IGSF3: variants seen among roughly 807,000 people sequenced by gnomAD.
IGSF3 encodes immunoglobulin superfamily member 3, also known as glu-Trp-Ile EWI motif-containing protein 3.
In IGSF3, 23 loss-of-function variants were observed where a neutral mutation model predicts 114.4. That is an observed-to-expected ratio of 0.20 (90% CI 0.14 to 0.28). The LOEUF is 0.28. Ranked by LOEUF, IGSF3 falls within the 10% of genes least tolerant of loss-of-function variation. The pLI, the probability that IGSF3 is intolerant of heterozygous loss-of-function variation, is 1.00. For missense variants in IGSF3, 1,172 were observed against 1,591.5 expected (o/e 0.74, Z 4.48); for synonymous variants, 571 against 645.2 (o/e 0.88, Z 1.74).
Position 116,579,442 on chromosome 1 carries a change from C to A in IGSF3, c.3284G>T (p.Arg1095Leu), listed in dbSNP as rs144889330. 1.2e-6 allele frequency: 2 copies of A among 1,608,696 alleles called. No homozygotes were observed. Among genetic ancestry groups the A allele is most frequent in the South Asian group, 1.1e-5 (1 of 90,452 alleles). ...GGGGGCTGACTCCTCCTCCGTCAGC[C>A]GGTACCATTCCTTCTGAGGGCTGGG... is the stretch of plus-strand genomic sequence containing the variant. ...WLPSPQKEWY[R>L]LTEEESAPIG... Residue 1095 changes from arginine (R) to leucine (L), a missense_variant, in exon 10 of 11, where the codon CGG (arginine) becomes CTG (leucine). Arg to Leu is a moderately radical substitution (Grantham distance 102, BLOSUM62 -2). This residue lies in a region of IGSF3 where 423 missense variants were observed against 509.8 expected (regional missense o/e 0.83). Coordinates refer to ENST00000369486, the MANE Select transcript of IGSF3 (RefSeq NM_001007237.3). This position sits in a 1 kb window ranked among gnomAD's most constrained non-coding sequence, Gnocchi z 6.4.
rs1571125826 is a variant in IGSF3, at chr1:116,589,544, A to G, written c.2030-440T>C. Reference sequence around the variant, plus strand: ...CATCTCTCACGACTCACCCTCAGGCACCCTCCACAGGCGCATGCCCCTGGT... The same window carrying G: ...CATCTCTCACGACTCACCCTCAGGCGCCCTCCACAGGCGCATGCCCCTGGT... On this transcript the variant is annotated intron_variant, in intron 7 of 10. Transcript: ENST00000369486. The surrounding 1 kb of genome is among the most constrained non-coding windows in gnomAD (Gnocchi z 5.7). Among the ~76,000 whole-genome samples the G allele has an allele frequency of 1.3e-5, 2 of 151,664 alleles. No homozygotes were observed. Among genetic ancestry groups the G allele is most frequent in the Admixed American group, 1.3e-4 (2 of 15,246 alleles).
chr1:116,617,219 C>T, intron 2 of IGSF3: 1 of 888,518 alleles, frequency 1.1e-6, no homozygotes, highest in African/African-American at 1.8e-5. Flanking sequence ...CTCAAGACTC[C>T]CCCGCTGACC....
In IGSF3 at chr1:116,605,342, C is replaced by T. The variant is rs886339690; in HGVS notation, c.1223-1317G>A. ...GCAGAAACAAAGACGAGCACTGAGC[C>T]TCCACATGTAGCTCTTATTATAGTG... is the stretch of plus-strand genomic sequence containing the variant. On this transcript the variant is annotated intron_variant, in intron 5 of 10. Coordinates refer to ENST00000369486, the MANE Select transcript of IGSF3 (RefSeq NM_001007237.3). The surrounding 1 kb of genome is among the most constrained non-coding windows in gnomAD (Gnocchi z 5.1). Among the ~76,000 whole-genome samples, 1 of 151,950 alleles carries T rather than the reference C, an allele frequency of 6.6e-6. No individual in the cohort carries two copies. The highest frequency in any genetic ancestry group is 2.4e-5 in the African/African-American group (1 of 41,338).
chr1:116,622,366 C>T (rs1474911250), intron 2 of IGSF3, among the ~76,000 whole-genome samples: 1 of 151,714 alleles, frequency 6.6e-6, no homozygotes, highest in Non-Finnish European at 1.5e-5. Flanking sequence ...GGTGAGATAT[C>T]AATATATAAA....
In IGSF3 at chr1:116,579,874, G is replaced by T; in HGVS notation, c.2852C>A (p.Ala951Asp). The T allele has an allele frequency of 6.3e-7, 1 of 1,595,528 alleles. No individual in the cohort carries two copies. The highest frequency in any genetic ancestry group is 8.5e-7 in the Non-Finnish European group (1 of 1,171,374). The change falls in exon 10 of 11, where the codon GCT (alanine) becomes GAT (aspartate). Residue 951 changes from alanine (A) to aspartate (D), a missense_variant. Coordinates refer to ENST00000369486, the MANE Select transcript of IGSF3 (RefSeq NM_001007237.3). The surrounding 1 kb of genome is among the most constrained non-coding windows in gnomAD (Gnocchi z 6.4). ...GACCACTGTGTCCACCTGCAGGGAAGCATCTGGGGAATGACAAGGGACAAA... is the reference window on the plus strand; with the variant it reads ...GACCACTGTGTCCACCTGCAGGGAATCATCTGGGGAATGACAAGGGACAAA... ...QTALTVMRPD[A>D]SLQVDTVVPN...
At position 116,600,057 on chromosome 1, in the gene IGSF3, G is replaced by A. The variant is rs145920186; in HGVS notation, c.1913C>T (p.Thr638Met). The change falls in exon 7 of 11, where the codon ACG (threonine) becomes ATG (methionine). Residue 638 changes from threonine (T) to methionine (M), a missense_variant. Around this residue, in one of 3 missense-constraint regions of IGSF3, gnomAD observed 736 missense variants for 1,042.0 expected, o/e 0.71. Transcript: ENST00000369486. This position sits in a 1 kb window ranked among gnomAD's most constrained non-coding sequence, Gnocchi z 5.5. ...VRLSISRASD[T>M]EAGKYQCVAE... ...CACACACTGGTACTTGCCTGCTTCC[G>A]TGTCACTGGCTCGGCTGATGCTTAG... 54 of 1,614,150 alleles carry A rather than the reference G, an allele frequency of 3.3e-5. No homozygotes were observed. The highest frequency in any genetic ancestry group is 8.9e-5 in the East Asian group (4 of 44,874).
At chr1:116,613,739 A>G in intron 4 of IGSF3, 26 bp downstream of exon 4, 1 of 1,599,678 alleles carries the variant, frequency 6.3e-7, no homozygotes, top group Non-Finnish European at 8.6e-7. Context: ...AGTAAAGGAC[A>G]GGACAAGAGG....
At chr1:116,587,289 T>C (rs1212679154) in intron 8 of IGSF3, among the ~76,000 whole-genome samples, 1 of 152,220 alleles carries the variant, frequency 6.6e-6, no homozygotes, top group Non-Finnish European at 1.5e-5. Context: ...AAGTAAATAC[T>C]TCATAATTAC....
chr1:116,577,833 T>C lies in IGSF3; in HGVS notation c.3335-271A>G, dbSNP rs1448739738. Among the ~76,000 whole-genome samples, 2 of 152,314 alleles carry C rather than the reference T, an allele frequency of 1.3e-5. No individual in the cohort carries two copies. Among genetic ancestry groups the C allele is most frequent in the East Asian group, 3.9e-4 (2 of 5,190 alleles). ...TATTGCTGCTTGGAAAGCCACATAATGAAACATAATTTATTGATTGTGAAC... is the reference window on the plus strand; with the variant it reads ...TATTGCTGCTTGGAAAGCCACATAACGAAACATAATTTATTGATTGTGAAC... On this transcript the variant is annotated intron_variant, in intron 10 of 10. Coordinates refer to ENST00000369486, the MANE Select transcript of IGSF3 (RefSeq NM_001007237.3). The surrounding 1 kb of genome is among the most constrained non-coding windows in gnomAD (Gnocchi z 5.7).
In IGSF3 at chr1:116,632,273, A is replaced by C. The variant is rs1472267295; in HGVS notation, c.44-15816T>G. Among the ~76,000 whole-genome samples, 1 of 152,126 alleles carries C rather than the reference A, an allele frequency of 6.6e-6. No individual in the cohort carries two copies. The highest frequency in any genetic ancestry group is 1.5e-5 in the Non-Finnish European group (1 of 68,022). ...ACCAGAAAATGCTGACCATCCCCCA[A>C]AACCTCCCACCCCACCTAGTGCTGA... On this transcript the variant is annotated intron_variant, in intron 2 of 10. Coordinates refer to ENST00000369486, the MANE Select transcript of IGSF3 (RefSeq NM_001007237.3). This position sits in a 1 kb window ranked among gnomAD's most constrained non-coding sequence, Gnocchi z 5.1.
At chr1:116,586,900 C>T (rs752818126) in intron 8 of IGSF3, among the ~76,000 whole-genome samples, 15 of 152,094 alleles carry the variant, frequency 9.9e-5, no homozygotes, top group Non-Finnish European at 1.8e-4. Context: ...GAAGTCAGGA[C>T]ATATGTCACC....
Position 116,577,595 on chromosome 1 carries a change from A to G in IGSF3, c.3335-33T>C. ...GAATCATGAGAGAGACAAGACAATG[A>G]GGGCTGAGAACCTGGACTGCTCACA... is the stretch of plus-strand genomic sequence containing the variant. On this transcript the variant is annotated intron_variant, in intron 10 of 10. Coordinates refer to ENST00000369486, the MANE Select transcript of IGSF3 (RefSeq NM_001007237.3). This position sits in a 1 kb window ranked among gnomAD's most constrained non-coding sequence, Gnocchi z 5.7. The G allele has an allele frequency of 1.9e-6, 3 of 1,608,462 alleles. No homozygotes were observed. Among genetic ancestry groups the G allele is most frequent in the Non-Finnish European group, 2.5e-6 (3 of 1,177,230 alleles).
chr1:116,645,280 T>G (rs994276279), intron 2 of IGSF3, among the ~76,000 whole-genome samples: 2 of 152,224 alleles, frequency 1.3e-5, no homozygotes, highest in African/African-American at 4.8e-5. Context: ...TAGGATGCCA[T>G]GTGCATCACA....
rs1648418653 is a variant in IGSF3, at chr1:116,647,194, T to C, written c.43+19090A>G. ...AGGCAGCGATGCCCAAATGACCGGC[T>C]GAGGAATCACCTCACTGCTGCCGAT... On this transcript the variant is annotated intron_variant, in intron 2 of 10. Coordinates refer to ENST00000369486, the MANE Select transcript of IGSF3 (RefSeq NM_001007237.3). This position sits in a 1 kb window ranked among gnomAD's most constrained non-coding sequence, Gnocchi z 4.6. Among the ~76,000 whole-genome samples, 3 of 152,224 alleles carry C rather than the reference T, an allele frequency of 2.0e-5. No individual in the cohort carries two copies. Among genetic ancestry groups the C allele is most frequent in the African/African-American group, 7.2e-5 (3 of 41,452 alleles).
rs1648641493 is a variant in IGSF3, at chr1:116,651,677, T to C, written c.43+14607A>G. ...TTGACATTCGACTGCTTCTGACCTATCAAAATGGCAATAAAGCTCAACTTA... is the reference window on the plus strand; with the variant it reads ...TTGACATTCGACTGCTTCTGACCTACCAAAATGGCAATAAAGCTCAACTTA... On this transcript the variant is annotated intron_variant, in intron 2 of 10. Coordinates refer to ENST00000369486, the MANE Select transcript of IGSF3 (RefSeq NM_001007237.3). The surrounding 1 kb of genome is among the most constrained non-coding windows in gnomAD (Gnocchi z 4.4). Among the ~76,000 whole-genome samples the C allele has an allele frequency of 1.3e-5, 2 of 152,128 alleles. No homozygotes were observed. The highest frequency in any genetic ancestry group is 1.3e-4 in the Admixed American group (2 of 15,278).
rs918257360 is a variant in IGSF3 at position 116,657,698 on chromosome 1, C to T, written c.43+8586G>A. Among the ~76,000 whole-genome samples, 1 of 152,124 alleles carries T rather than the reference C, an allele frequency of 6.6e-6. No homozygotes were observed. The highest frequency in any genetic ancestry group is 1.5e-5 in the Non-Finnish European group (1 of 68,032). ...AGCCTGCCTCATGCCATGGCACCAG[C>T]GATGCCACAGGTGTACCCAGTGCCC... On this transcript the variant is annotated intron_variant, in intron 2 of 10. Coordinates refer to ENST00000369486, the MANE Select transcript of IGSF3 (RefSeq NM_001007237.3). This position sits in a 1 kb window ranked among gnomAD's most constrained non-coding sequence, Gnocchi z 4.2.
rs1195897572 is a variant in IGSF3, at chr1:116,627,424, C to T, written c.44-10967G>A. On this transcript the variant is annotated intron_variant, in intron 2 of 10. Transcript: ENST00000369486. The surrounding 1 kb of genome is among the most constrained non-coding windows in gnomAD (Gnocchi z 4.7). ...GATTTCAAACAGTCCCTCTACTGGC[C>T]GCCACCACCACCCTCTCCTAAAGAG... Among the ~76,000 whole-genome samples, 8 of 152,122 alleles carry T rather than the reference C, an allele frequency of 5.3e-5. No individual in the cohort carries two copies. Among genetic ancestry groups the T allele is most frequent in the Admixed American group, 2.0e-4 (3 of 15,288 alleles).
Position 116,616,263 on chromosome 1 carries a change from G to T in IGSF3, c.238C>A (p.Pro80Thr). ...ACGCGCTGGGTGTAGATGGCATAGG[G>T]GAAGGAAGAGTCCATGGTGCTGACG... ...QIVSTMDSSF[P>T]YAIYTQRVRG... Residue 80 changes from proline (P) to threonine (T), a missense_variant, in exon 3 of 11, where the codon CCC becomes ACC. Physicochemically the swap from Pro to Thr is conservative, Grantham distance 38. Around this residue, in one of 3 missense-constraint regions of IGSF3, gnomAD observed 736 missense variants for 1,042.0 expected, o/e 0.71. Coordinates refer to ENST00000369486, the MANE Select transcript of IGSF3 (RefSeq NM_001007237.3). This position sits in a 1 kb window ranked among gnomAD's most constrained non-coding sequence, Gnocchi z 6.6. 1 of 1,611,662 alleles carries T rather than the reference G, an allele frequency of 6.2e-7. No homozygotes were observed. Among genetic ancestry groups the T allele is most frequent in the South Asian group, 1.1e-5 (1 of 90,980 alleles).
chr1:116,599,207 A>G (rs531347051), intron 7 of IGSF3, among the ~76,000 whole-genome samples: 2 of 152,326 alleles, frequency 1.3e-5, no homozygotes, highest in Admixed American at 6.5e-5. Context: ...AAGATGCTCA[A>G]TAGGTGCCTA....
Sources: allele counts gnomAD v4.1 joint callset (sites outside exome capture counted in the v4.1 genomes callset), GRCh38; gene constraint gnomAD v4.1.1; regional missense constraint gnomAD v4.1.1; non-coding constraint Gnocchi (gnomAD v3.1); transcripts MANE v1.5; gene names NCBI Gene and HGNC (gene_info 2026-07-23, HGNC 2026-07-21).